The following SH3BP4 variants were observed in gnomAD, a reference collection of about 807,000 sequenced individuals.
The protein encoded by SH3BP4 is SH3 domain binding protein 4, also known as SH3 domain-binding protein 4.
Under a neutral mutation model 65.5 loss-of-function variants are expected in SH3BP4, and 33 were observed. That is an observed-to-expected ratio of 0.50 (90% CI 0.38 to 0.67). The LOEUF is 0.67. Ranked by LOEUF, SH3BP4 falls within the 30% of genes least tolerant of loss-of-function variation. The probability of loss-of-function intolerance (pLI) is 0.00; values close to 1 mark genes in which losing one functional copy is unlikely to be tolerated. For missense variants in SH3BP4, 1,134 were observed against 1,261.4 expected (o/e 0.90, Z 1.53); for synonymous variants, 552 against 545.5 (o/e 1.01, Z -0.17).
At chr2:234,970,576 C>A (rs1364414366) in intron 1 of SH3BP4, among the ~76,000 whole-genome samples, 1 of 152,276 alleles carries the variant, frequency 6.6e-6, no homozygotes, top group Admixed American at 6.5e-5. Context: ...ATAATAAAAG[C>A]CTTTGTAGTC....
intron 3 of SH3BP4, among the ~76,000 whole-genome samples, chr2:235,036,642 C>T (rs1331625034): frequency 6.6e-6 from 1 of 151,474 alleles, no homozygotes; most frequent in Admixed American, 6.6e-5. Flanking sequence ...GTAATCCCAG[C>T]TACTCAGGAG....
chr2:234,970,938 C>T (rs935083444), intron 1 of SH3BP4, among the ~76,000 whole-genome samples: 5 of 151,938 alleles, frequency 3.3e-5, no homozygotes, highest in Admixed American at 2.0e-4. Flanking sequence ...CGTGAGTTAC[C>T]GGACACAAAT....
intron 2 of SH3BP4, among the ~76,000 whole-genome samples, chr2:235,021,715 A>C (rs759228596): frequency 1.1e-4 from 17 of 152,228 alleles, no homozygotes; most frequent in Non-Finnish European, 2.5e-4. Context: ...AGTGCATAGA[A>C]GCCAGACCTT....
chr2:234,968,410 T>G (rs931402694), intron 1 of SH3BP4, among the ~76,000 whole-genome samples: 1 of 151,062 alleles, frequency 6.6e-6, no homozygotes, highest in Non-Finnish European at 1.5e-5. Flanking sequence ...TTGTTTACTC[T>G]TATTTTCTAG....
intron 1 of SH3BP4, among the ~76,000 whole-genome samples, chr2:234,984,201 G>T (rs767920541): frequency 1.4e-5 from 2 of 148,118 alleles, no homozygotes; most frequent in African/African-American, 5.2e-5. Context: ...ATGAGTTTTC[G>T]TTTGTTTGTT....
chr2:235,002,101 C>T (rs1028108480), intron 2 of SH3BP4, among the ~76,000 whole-genome samples: 6 of 152,130 alleles, frequency 3.9e-5, no homozygotes, highest in Non-Finnish European at 7.4e-5. Context: ...CCTCAGGCGA[C>T]CCGCCCGCCT....
chr2:235,005,333 G>A (rs1365765173), intron 2 of SH3BP4, among the ~76,000 whole-genome samples: 1 of 151,844 alleles, frequency 6.6e-6, no homozygotes, highest in Non-Finnish European at 1.5e-5. Context: ...CGGTGGAGAG[G>A]GAGGTGTCAG....
intron 4 of SH3BP4, among the ~76,000 whole-genome samples, chr2:235,047,356 T>C (rs6431334): frequency 0.58 from 88,354 of 152,130 alleles, 27,091 homozygotes; most frequent in East Asian, 0.9. Context: ...AGCCCCCTGA[T>C]GCGTCAGAGG....
At chr2:234,960,376 G>T (rs13032942) in intron 1 of SH3BP4, among the ~76,000 whole-genome samples, 7 of 152,016 alleles carry the variant, frequency 4.6e-5, no homozygotes, top group Non-Finnish European at 8.8e-5. Context: ...GCTCTGTTCC[G>T]GTTCAGTACA....
intron 3 of SH3BP4, among the ~76,000 whole-genome samples, chr2:235,036,026 A>G (rs560139359): frequency 6.6e-6 from 1 of 152,370 alleles, no homozygotes; most frequent in African/African-American, 2.4e-5. Flanking sequence ...CCCAGCCTAA[A>G]GTCAGTGCTA....
At chr2:235,005,158 T>G (rs1187076875) in intron 2 of SH3BP4, among the ~76,000 whole-genome samples, 1 of 152,172 alleles carries the variant, frequency 6.6e-6, no homozygotes, top group African/African-American at 2.4e-5. Context: ...TTTGCCCAGG[T>G]GTCACACAGG....
intron 1 of SH3BP4, among the ~76,000 whole-genome samples, chr2:234,985,169 AAC>A (rs1230532277): frequency 1.3e-5 from 2 of 152,192 alleles, no homozygotes; most frequent in African/African-American, 2.4e-5. Flanking sequence ...ACAGCGCAGC[AAC>A]AGAGTAGTGA....
rs76151862 is a variant in SH3BP4 at position 235,012,011 on chromosome 2, C to A, written c.-133+16635C>A. Among the ~76,000 whole-genome samples the A allele has an allele frequency of 3.9e-5, 6 of 152,340 alleles. No homozygotes were observed. The East Asian group carries it at 7.7e-4, about 20-fold the overall frequency. On this transcript the variant is annotated intron_variant, in intron 2 of 5. Transcript: ENST00000392011. ...AGACACACAATTCAATAAGCTGTTACAATAAAGTGATTAGGTCCTATTATA... is the reference window on the plus strand; with the variant it reads ...AGACACACAATTCAATAAGCTGTTAAAATAAAGTGATTAGGTCCTATTATA...
In SH3BP4 at chr2:235,003,268, A is replaced by C. The variant is rs150990362; in HGVS notation, c.-133+7892A>C. 5.3e-4 allele frequency among the ~76,000 whole-genome samples: 81 copies of C among 152,336 alleles called. 1 individual carries two copies. The East Asian group carries it at 9.7e-3, about 18-fold the overall frequency. On this transcript the variant is annotated intron_variant, in intron 2 of 5. Coordinates refer to ENST00000392011, the MANE Select transcript of SH3BP4 (RefSeq NM_014521.3). ...CCAAGGGCTGGAACCAGCGTGACCG[A>C]GGAGAACTCTCCCCTGGCCAGGGCC...
At chr2:235,005,653 G>A (rs1277107387) in intron 2 of SH3BP4, among the ~76,000 whole-genome samples, 6 of 152,202 alleles carry the variant, frequency 3.9e-5, no homozygotes, top group East Asian at 1.9e-4. Context: ...GCTTCCTCGT[G>A]TCCAGGCTAC....
chr2:234,952,026 G>C lies in SH3BP4; in HGVS notation c.-351G>C, dbSNP rs1055715404. ...GCCGAGGCGGGGGCCCAGCGCGCCCGGCACTCTCGGCGGTCCGGGCCCCTC... is the reference window on the plus strand; with the variant it reads ...GCCGAGGCGGGGGCCCAGCGCGCCCCGCACTCTCGGCGGTCCGGGCCCCTC... On this transcript the variant is annotated 5_prime_UTR_variant, in exon 1 of 6. Transcript: ENST00000392011. This position sits in a 1 kb window ranked among gnomAD's most constrained non-coding sequence, Gnocchi z 6.5. 1.4e-5 allele frequency: 2 copies of C among 145,436 alleles called. No individual in the cohort carries two copies. Among genetic ancestry groups the C allele is most frequent in the Admixed American group, 1.4e-4 (2 of 14,666 alleles). 9.0% of individuals were successfully genotyped at this position (145,436 alleles called of 1,614,324 possible).
At chr2:234,956,009 T>C (rs564044517) in intron 1 of SH3BP4, among the ~76,000 whole-genome samples, 1 of 152,320 alleles carries the variant, frequency 6.6e-6, no homozygotes, top group East Asian at 1.9e-4. Flanking sequence ...CAGTCACACA[T>C]TGGAGCCTGA....
Position 234,969,616 on chromosome 2 carries a change from G to A in SH3BP4, c.-207+17446G>A, listed in dbSNP as rs28473510. On this transcript the variant is annotated intron_variant, in intron 1 of 5. Coordinates refer to ENST00000392011, the MANE Select transcript of SH3BP4 (RefSeq NM_014521.3). ...GCAGACTTCCAAGGGCTTCGTGGTT[G>A]TACAGAATAAGCCTCCGCTTTTCCA... Among the ~76,000 whole-genome samples the A allele has an allele frequency of 4.8e-3, 730 of 152,254 alleles. 5 individuals are homozygous for A. Among genetic ancestry groups the A allele is most frequent in the African/African-American group, 0.017 (704 of 41,500 alleles).
At chr2:235,053,531 T>C in intron 5 of SH3BP4, 61 bp from the exon 6 acceptor site, 1 of 1,313,196 alleles carries the variant, frequency 7.6e-7, no homozygotes, top group Non-Finnish European at 1.1e-6. Context: ...CAAATCTCGT[T>C]CTGTCTCCTA....
Sources: allele counts gnomAD v4.1 joint callset (sites outside exome capture counted in the v4.1 genomes callset), GRCh38; gene constraint gnomAD v4.1.1; non-coding constraint Gnocchi (gnomAD v3.1); transcripts MANE v1.5; gene names NCBI Gene and HGNC (gene_info 2026-07-23, HGNC 2026-07-21).